Variants in CTNNA3 observed in about 807,000 individuals in gnomAD.
CTNNA3 encodes catenin alpha-3.
In CTNNA3, 76 loss-of-function variants were observed where a neutral mutation model predicts 95.7. The ratio of observed to expected loss-of-function variants is 0.79; its 90% CI spans 0.66 to 0.96. The LOEUF (loss-of-function observed/expected upper bound fraction) is 0.96. Ranked by LOEUF, CTNNA3 falls within the 40% of genes least tolerant of loss-of-function variation. The pLI is 0.00. For synonymous variants in CTNNA3, 431 were observed against 374.4 expected, an observed-to-expected ratio of 1.15 and a Z score of -1.74; for missense variants, 1,191 against 1,089.8, an observed-to-expected ratio of 1.09 and a Z score of -1.31.
intron 5 of CTNNA3, among the ~76,000 whole-genome samples, chr10:67,491,688 T>G (rs1848653023): frequency 6.6e-6 from 1 of 152,196 alleles, no homozygotes; most frequent in Non-Finnish European, 1.5e-5. Context: ...GATTTCATTC[T>G]AAAGGCAACA....
At chr10:66,125,421 T>C (rs2082775356) in intron 13 of CTNNA3, among the ~76,000 whole-genome samples, 1 of 152,120 alleles carries the variant, frequency 6.6e-6, no homozygotes, top group Admixed American at 6.5e-5. Context: ...AAATGTATAT[T>C]GCAAACTCTA....
intron 7 of CTNNA3, among the ~76,000 whole-genome samples, chr10:67,153,100 C>T (rs1323425809): frequency 2.0e-5 from 3 of 152,088 alleles, no homozygotes; most frequent in East Asian, 3.9e-4. Context: ...CTCAGCCTCC[C>T]GAGTAGCTGG....
intron 7 of CTNNA3, among the ~76,000 whole-genome samples, chr10:67,044,097 T>A (rs1220221013): frequency 6.6e-6 from 1 of 151,920 alleles, no homozygotes; most frequent in Non-Finnish European, 1.5e-5. Flanking sequence ...CCCTCCTCCC[T>A]CTTTCCCCCC....
intron 5 of CTNNA3, among the ~76,000 whole-genome samples, chr10:67,412,731 C>T (rs994526337): frequency 6.6e-6 from 1 of 151,954 alleles, no homozygotes; most frequent in African/African-American, 2.4e-5. Context: ...GAAATTCCAA[C>T]CAAAAATTTT....
At chr10:66,768,322 T>C (rs1002632404) in intron 8 of CTNNA3, among the ~76,000 whole-genome samples, 6 of 152,052 alleles carry the variant, frequency 3.9e-5, no homozygotes, top group African/African-American at 1.4e-4. Flanking sequence ...GGCCAGCATA[T>C]GGGAACTAAC....
intron 10 of CTNNA3, among the ~76,000 whole-genome samples, chr10:66,582,627 A>G (rs1249000849): frequency 2.0e-5 from 3 of 151,706 alleles, no homozygotes; most frequent in African/African-American, 7.2e-5. Flanking sequence ...AATGCCCTTT[A>G]TTTATTTCTC....
chr10:67,391,206 G>A (rs959293124), intron 5 of CTNNA3, among the ~76,000 whole-genome samples: 6 of 152,048 alleles, frequency 3.9e-5, no homozygotes, highest in South Asian at 2.1e-4. Context: ...CTTCAGCAAA[G>A]TCTCAGGATA....
At chr10:66,327,029 C>T (rs1209465528) in intron 12 of CTNNA3, among the ~76,000 whole-genome samples, 1 of 152,016 alleles carries the variant, frequency 6.6e-6, no homozygotes, top group Non-Finnish European at 1.5e-5. Context: ...ACTGCATGCT[C>T]ACAAAGATAA....
chr10:66,769,697 T>C (rs1840008615), intron 8 of CTNNA3, among the ~76,000 whole-genome samples: 1 of 152,176 alleles, frequency 6.6e-6, no homozygotes, highest in Non-Finnish European at 1.5e-5. Flanking sequence ...TCCACACCAC[T>C]GGGGGAAACC....
chr10:66,411,535 A>G (rs2093105596), intron 11 of CTNNA3, among the ~76,000 whole-genome samples: 1 of 152,086 alleles, frequency 6.6e-6, no homozygotes, highest in South Asian at 2.1e-4. Context: ...TCAAAAATAA[A>G]TTTAACAAAT....
intron 11 of CTNNA3, among the ~76,000 whole-genome samples, chr10:66,417,258 C>T (rs1224416859): frequency 6.6e-6 from 1 of 151,890 alleles, no homozygotes; most frequent in Non-Finnish European, 1.5e-5. Context: ...TCATACAAAA[C>T]AGACTTGAAG....
At chr10:66,899,864 G>A (rs1417141445) in intron 7 of CTNNA3, among the ~76,000 whole-genome samples, 2 of 152,128 alleles carry the variant, frequency 1.3e-5, no homozygotes, top group Admixed American at 6.5e-5. Context: ...AAACTGAGCG[G>A]AGCCCACCGC....
intron 7 of CTNNA3, among the ~76,000 whole-genome samples, chr10:66,941,422 T>C (rs1847987311): frequency 6.6e-6 from 1 of 152,222 alleles, no homozygotes; most frequent in African/African-American, 2.4e-5. Flanking sequence ...ATATCTTAGG[T>C]TCCTCTCAAG....
intron 7 of CTNNA3, among the ~76,000 whole-genome samples, chr10:66,854,991 A>G (rs1440220677): frequency 6.6e-6 from 1 of 151,958 alleles, no homozygotes; most frequent in Non-Finnish European, 1.5e-5. Context: ...GATAAAAAAT[A>G]TATATATGCA....
chr10:66,055,921 C>CAAAAAAAAAA (rs386371652), intron 15 of CTNNA3, among the ~76,000 whole-genome samples: 1 of 60,224 alleles, frequency 1.7e-5, no homozygotes, highest in Non-Finnish European at 3.0e-5. Flanking sequence ...GACTCCATCT[C>CAAAAAAAAAA]AAAAAAAAAA....
intron 13 of CTNNA3, among the ~76,000 whole-genome samples, chr10:66,129,375 C>A (rs2082980083): frequency 6.6e-6 from 1 of 152,182 alleles, no homozygotes; most frequent in East Asian, 1.9e-4. Flanking sequence ...ACCACCATGG[C>A]ATTGGAGTTG....
intron 5 of CTNNA3, among the ~76,000 whole-genome samples, chr10:67,338,067 T>C (rs1842057385): frequency 2.6e-5 from 4 of 152,214 alleles, no homozygotes; most frequent in Admixed American, 2.6e-4. Context: ...TTAATTTGTT[T>C]CATCTTCAGG....
chr10:67,403,265 A>C (rs1050780914), intron 5 of CTNNA3: 1 of 152,206 alleles, frequency 6.6e-6, no homozygotes, highest in Admixed American at 6.5e-5. Flanking sequence ...ACCTCCAGCC[A>C]CCCCTGCCCA....
intron 15 of CTNNA3, among the ~76,000 whole-genome samples, chr10:66,037,467 C>G (rs1164894909): frequency 6.6e-6 from 1 of 152,154 alleles, no homozygotes; most frequent in Non-Finnish European, 1.5e-5. Flanking sequence ...AGCCCATTCT[C>G]TCTCATTTTT....
Sources: allele counts gnomAD v4.1 joint callset (sites outside exome capture counted in the v4.1 genomes callset), GRCh38; gene constraint gnomAD v4.1.1; transcripts MANE v1.5; gene names NCBI Gene and HGNC (gene_info 2026-07-23, HGNC 2026-07-21).